STAT4: variants seen among roughly 807,000 people sequenced by gnomAD.
STAT4 encodes signal transducer and activator of transcription 4.
In STAT4, 42 loss-of-function variants were observed where a neutral mutation model predicts 110.5. The ratio of observed to expected loss-of-function variants is 0.38; its 90% confidence interval spans 0.30 to 0.49. The LOEUF (loss-of-function observed/expected upper bound fraction) is 0.49. STAT4 is among the 20% of genes least tolerant of loss of function. The pLI is 0.95. For synonymous variants in STAT4, 284 were observed against 302.2 expected, an observed-to-expected ratio of 0.94 and a Z score of 0.63; for missense variants, 632 against 887.9, an observed-to-expected ratio of 0.71 and a Z score of 3.66.
chr2:191,150,892 A>C lies in STAT4; in HGVS notation c.-2+55T>G. On this transcript the variant is annotated intron_variant, in intron 1 of 23. Transcript: ENST00000392320. The surrounding 1 kb of genome is among the most constrained non-coding windows in gnomAD (Gnocchi z 6.4). The stretch of plus-strand genomic sequence containing the variant: ...AGCAAAGCTTCAGAGTATCCTGCAT[A>C]ATAAGCATGTCCTCCTTACAAGAGG... The C allele has an allele frequency of 1.0e-6, 1 of 981,112 alleles. No individual in the cohort carries two copies. The highest frequency in any genetic ancestry group is 1.2e-6 in the Non-Finnish European group (1 of 825,952). 60.8% of individuals were successfully genotyped at this position (981,112 alleles called of 1,614,324 possible).
chr2:191,066,284 C>T lies in STAT4; in HGVS notation c.630+146G>A, dbSNP rs1458388631. 7 of 689,294 alleles carry T rather than the reference C, an allele frequency of 1.0e-5. No individual in the cohort carries two copies. Among genetic ancestry groups the T allele is most frequent in the African/African-American group, 5.4e-5 (3 of 55,710 alleles). 42.7% of individuals were successfully genotyped at this position (689,294 alleles called of 1,614,324 possible). On this transcript the variant is annotated intron_variant, in intron 7 of 23. Transcript: ENST00000392320. This position sits in a 1 kb window ranked among gnomAD's most constrained non-coding sequence, Gnocchi z 4.3. Reference sequence around the variant, plus strand: ...TCATGAAGAGAAGCATGGCAAACAGCGTGGGACTGTTCCTAGAAACCTTGC... The same window carrying T: ...TCATGAAGAGAAGCATGGCAAACAGTGTGGGACTGTTCCTAGAAACCTTGC...
chr2:191,030,599 T>G lies in STAT4; in HGVS notation c.2220+373A>C, dbSNP rs1021425374. Among the ~76,000 whole-genome samples the G allele has an allele frequency of 2.0e-5, 3 of 152,114 alleles. No individual in the cohort carries two copies. The highest frequency in any genetic ancestry group is 7.2e-5 in the African/African-American group (3 of 41,408). On this transcript the variant is annotated intron_variant, in intron 23 of 23. Coordinates refer to ENST00000392320, the MANE Select transcript of STAT4 (RefSeq NM_003151.4). This position sits in a 1 kb window ranked among gnomAD's most constrained non-coding sequence, Gnocchi z 4.4. ...GATAGTAAGTAACTAGTAAACTAGATAGTATACTAGGTTTATAAATATTGA... is the reference window on the plus strand; with the variant it reads ...GATAGTAAGTAACTAGTAAACTAGAGAGTATACTAGGTTTATAAATATTGA...
intron 4 of STAT4, 81 bp from the exon 5 acceptor site, chr2:191,073,271 C>A (rs953661511): frequency 2.6e-6 from 3 of 1,170,710 alleles, no homozygotes; most frequent in South Asian, 1.3e-5. Flanking sequence ...ACAATTCGAC[C>A]TGAGGTCTGG....
intron 1 of STAT4, 46 bp from the exon 2 acceptor site, chr2:191,148,250 G>A: frequency 6.3e-7 from 1 of 1,578,710 alleles, no homozygotes. Flanking sequence ...ATTGTTCATA[G>A]CCCTAGTACA....
Position 191,090,106 on chromosome 2 carries a change from C to A in STAT4, c.274-13781G>T, listed in dbSNP as rs1697749498. 6.6e-6 allele frequency among the ~76,000 whole-genome samples: 1 copy of A among 151,964 alleles called. No homozygotes were observed. Among genetic ancestry groups the A allele is most frequent in the Non-Finnish European group, 1.5e-5 (1 of 67,988 alleles). ...TAATATAAAATTGTAACAAGTACATCACACTAATGTAAGATATAGGAGAAA... is the reference window on the plus strand; with the variant it reads ...TAATATAAAATTGTAACAAGTACATAACACTAATGTAAGATATAGGAGAAA... On this transcript the variant is annotated intron_variant, in intron 3 of 23. Coordinates refer to ENST00000392320, the MANE Select transcript of STAT4 (RefSeq NM_003151.4). The surrounding 1 kb of genome is among the most constrained non-coding windows in gnomAD (Gnocchi z 4.2).
At position 191,051,899 on chromosome 2, in the gene STAT4, G is replaced by T. The variant is rs1380158458; in HGVS notation, c.1251+2591C>A. Among the ~76,000 whole-genome samples, 1 of 152,178 alleles carries T rather than the reference G, an allele frequency of 6.6e-6. No individual in the cohort carries two copies. The highest frequency in any genetic ancestry group is 1.5e-5 in the Non-Finnish European group (1 of 68,044). ...TTTCCATAACTGAAATAAGTATGAA[G>T]CTAATAGTACCTACTTCACAGTCTT... On this transcript the variant is annotated intron_variant, in intron 14 of 23. Transcript: ENST00000392320. This position sits in a 1 kb window ranked among gnomAD's most constrained non-coding sequence, Gnocchi z 5.6.
chr2:191,075,340 G>A (rs758063053), intron 4 of STAT4, among the ~76,000 whole-genome samples: 2 of 152,012 alleles, frequency 1.3e-5, no homozygotes, highest in Non-Finnish European at 2.9e-5. Context: ...GTTTTTAGTG[G>A]GAACTCTGAA....
intron 14 of STAT4, chr2:191,041,647 T>A (rs1366231056): frequency 1.3e-5 from 2 of 152,144 alleles, no homozygotes; most frequent in African/African-American, 4.8e-5. Context: ...ATAGCTGGAG[T>A]TTTATTCACT....
intron 3 of STAT4, among the ~76,000 whole-genome samples, chr2:191,114,759 C>G (rs1698528279): frequency 6.6e-6 from 1 of 152,120 alleles, no homozygotes; most frequent in Non-Finnish European, 1.5e-5. Flanking sequence ...GGCTGCAGAG[C>G]TGGGGGCTGC....
chr2:191,073,302 C>T, intron 4 of STAT4, 112 bp from the exon 5 acceptor site: 1 of 750,720 alleles, frequency 1.3e-6, no homozygotes, highest in Non-Finnish European at 2.2e-6. Flanking sequence ...TATGGATACT[C>T]TATAGTCATT....
chr2:191,064,780 C>T (rs1360058124), intron 8 of STAT4, 27 bp downstream of exon 8: 3 of 1,601,434 alleles, frequency 1.9e-6, no homozygotes, highest in South Asian at 1.1e-5. Flanking sequence ...GTGGTTTTCA[C>T]TAGAAACTGC....
rs1344680233 is a variant in STAT4, at chr2:191,073,200, G to T, written c.373-10C>A. ...ATTTCTCTAGAGGCCCCTGGAAAAA[G>T]AATGTCTTGAAATCTCTCTGGTTTT... is the stretch of plus-strand genomic sequence containing the variant. On this transcript the variant is annotated splice_polypyrimidine_tract_variant and intron_variant, in intron 4 of 23. Transcript: ENST00000392320. 1.2e-6 allele frequency: 2 copies of T among 1,611,166 alleles called. No homozygotes were observed. Among genetic ancestry groups the T allele is most frequent in the African/African-American group, 1.3e-5 (1 of 74,808 alleles).
chr2:191,099,675 T>G lies in STAT4; in HGVS notation c.274-23350A>C, dbSNP rs1312546543. 6.6e-6 allele frequency among the ~76,000 whole-genome samples: 1 copy of G among 152,172 alleles called. No individual in the cohort carries two copies. The highest frequency in any genetic ancestry group is 2.4e-5 in the African/African-American group (1 of 41,458). On this transcript the variant is annotated intron_variant, in intron 3 of 23. Coordinates refer to ENST00000392320, the MANE Select transcript of STAT4 (RefSeq NM_003151.4). The surrounding 1 kb of genome is among the most constrained non-coding windows in gnomAD (Gnocchi z 4.1). ...TCCACAAATTATATCTTTTCCATTT[T>G]TTTCCATTTTTATTTAATTAGGTAA...
rs1696510458 is a variant in STAT4 at position 191,051,058 on chromosome 2, G to A, written c.1251+3432C>T. ...TGTGCGTGTGGGTGTGTGTGTGATG[G>A]AGGTGAAGAGCATTGGAGTGGTAGC... On this transcript the variant is annotated intron_variant, in intron 14 of 23. Coordinates refer to ENST00000392320, the MANE Select transcript of STAT4 (RefSeq NM_003151.4). This position sits in a 1 kb window ranked among gnomAD's most constrained non-coding sequence, Gnocchi z 5.6. 6.6e-6 allele frequency among the ~76,000 whole-genome samples: 1 copy of A among 152,188 alleles called. No individual in the cohort carries two copies. The highest frequency in any genetic ancestry group is 6.5e-5 in the Admixed American group (1 of 15,284).
At chr2:191,049,570 C>A (rs1225308088) in intron 14 of STAT4, among the ~76,000 whole-genome samples, 1 of 152,180 alleles carries the variant, frequency 6.6e-6, no homozygotes, top group Non-Finnish European at 1.5e-5. Context: ...TCTTGGTCAT[C>A]TCTTAACAAT....
chr2:191,127,859 G>C (rs1356619218), intron 3 of STAT4, among the ~76,000 whole-genome samples: 1 of 152,204 alleles, frequency 6.6e-6, no homozygotes. Flanking sequence ...AATTGTCAAA[G>C]AAGATTTAAT....
rs1698399743 is a variant in STAT4, at chr2:191,110,680, A to G, written c.274-34355T>C. On this transcript the variant is annotated intron_variant, in intron 3 of 23. Transcript: ENST00000392320. This position sits in a 1 kb window ranked among gnomAD's most constrained non-coding sequence, Gnocchi z 4.5. ...GCCACTTATAACTATATTGCCAAGG[A>G]GAAAATGCATGAATTTCAGTTGATA... Among the ~76,000 whole-genome samples the G allele has an allele frequency of 6.6e-6, 1 of 152,220 alleles. No individual in the cohort carries two copies. The highest frequency in any genetic ancestry group is 2.4e-5 in the African/African-American group (1 of 41,466).
intron 3 of STAT4, among the ~76,000 whole-genome samples, chr2:191,129,322 T>C (rs1574185149): frequency 6.6e-6 from 1 of 152,070 alleles, no homozygotes; most frequent in Non-Finnish European, 1.5e-5. Flanking sequence ...GGCATGGTGG[T>C]GCATGCCTGA....
chr2:191,039,778 G>A lies in STAT4; in HGVS notation c.1336-481C>T, dbSNP rs1187815321. On this transcript the variant is annotated intron_variant, in intron 15 of 23. Coordinates refer to ENST00000392320, the MANE Select transcript of STAT4 (RefSeq NM_003151.4). This position sits in a 1 kb window ranked among gnomAD's most constrained non-coding sequence, Gnocchi z 4.7. ...TCTATTGTAAAAATAGGAGAGATAA[G>A]CTATGGGAGATAGAGCCGTCTGTGC... Among the ~76,000 whole-genome samples the A allele has an allele frequency of 6.6e-6, 1 of 152,202 alleles. No individual in the cohort carries two copies. The highest frequency in any genetic ancestry group is 1.5e-5 in the Non-Finnish European group (1 of 68,032).
Sources: gnomAD v4.1 joint callset for allele counts (sites outside exome capture counted in the v4.1 genomes callset) on GRCh38, gnomAD v4.1.1 for gene constraint, Gnocchi (gnomAD v3.1) non-coding constraint, MANE v1.5 for transcripts, NCBI Gene and HGNC (gene_info 2026-07-23, HGNC 2026-07-21) for gene names.